STPG2: variants seen among roughly 807,000 people sequenced by gnomAD.
STPG2 encodes sperm tail PG-rich repeat containing 2, also known as sperm-tail PG-rich repeat-containing protein 2.
STPG2 carries 56 observed loss-of-function variants against 54.2 expected under a neutral mutation model. The ratio of observed to expected loss-of-function variants is 1.03; its 90% CI spans 0.83 to 1.29. STPG2 has a LOEUF of 1.29. Among genes scored for constraint, STPG2 ranks in the 50% most tolerant of loss-of-function variants. STPG2 has a pLI of 0.00. For missense variants in STPG2, 596 were observed against 544.9 expected (o/e 1.09, Z -0.93); for synonymous variants, 200 against 181.8 (o/e 1.10, Z -0.81).
At chr4:97,753,571 T>C (rs1006880474) in intron 9 of STPG2, among the ~76,000 whole-genome samples, 1 of 152,090 alleles carries the variant, frequency 6.6e-6, no homozygotes, top group Non-Finnish European at 1.5e-5. Flanking sequence ...TTTTATTGGA[T>C]ATAAGCCTAG....
chr4:97,581,062 T>C (rs1425570798), intron 10 of STPG2, among the ~76,000 whole-genome samples: 1 of 152,152 alleles, frequency 6.6e-6, no homozygotes, highest in Non-Finnish European at 1.5e-5. Context: ...TTTTCACTTT[T>C]ACACTCTAGA....
intron 4 of STPG2, among the ~76,000 whole-genome samples, chr4:97,547,456 C>G (rs974372501): frequency 6.6e-6 from 1 of 152,124 alleles, no homozygotes; most frequent in Non-Finnish European, 1.5e-5. Context: ...GTGATTCACC[C>G]GCCTCGGCCT....
intron 4 of STPG2, among the ~76,000 whole-genome samples, chr4:97,500,782 C>A (rs60447469): frequency 0.068 from 10,290 of 152,014 alleles, 1,119 homozygotes; most frequent in African/African-American, 0.23. Flanking sequence ...AATGTAGCCA[C>A]ACGGTGATTA....
At chr4:97,879,319 C>T (rs954118880) in intron 8 of STPG2, among the ~76,000 whole-genome samples, 1 of 152,134 alleles carries the variant, frequency 6.6e-6, no homozygotes, top group South Asian at 2.1e-4. Context: ...CTACTGGTAA[C>T]AATTTACTGT....
intron 10 of STPG2, among the ~76,000 whole-genome samples, chr4:97,616,405 A>G (rs574901216): frequency 6.6e-6 from 1 of 152,022 alleles, no homozygotes; most frequent in East Asian, 1.9e-4. Context: ...TTATACTTCA[A>G]TTTTCATAGG....
At chr4:97,964,854 T>C (rs1485376754) in intron 7 of STPG2, among the ~76,000 whole-genome samples, 1 of 152,168 alleles carries the variant, frequency 6.6e-6, no homozygotes, top group Non-Finnish European at 1.5e-5. Context: ...CTTGACAGAA[T>C]CCCATATGTA....
intron 5 of STPG2, among the ~76,000 whole-genome samples, chr4:98,067,454 T>C (rs1376438739): frequency 6.6e-6 from 1 of 152,198 alleles, no homozygotes; most frequent in Admixed American, 6.5e-5. Flanking sequence ...TTTAACCTTT[T>C]GAACAGTATT....
At chr4:97,906,235 C>A (rs1398373590) in intron 8 of STPG2, among the ~76,000 whole-genome samples, 2 of 152,222 alleles carry the variant, frequency 1.3e-5, no homozygotes, top group Admixed American at 6.5e-5. Flanking sequence ...ATACTACAAA[C>A]ACCTCTACGC....
At position 97,545,466 on chromosome 4, in the gene STPG2, T is replaced by C. The variant is rs150487045; in HGVS notation, c.462+167233A>G. Among the ~76,000 whole-genome samples the C allele has an allele frequency of 4.2e-4, 64 of 152,098 alleles. 1 individual carries two copies. Among genetic ancestry groups the C allele is most frequent in the African/African-American group, 1.4e-3 (59 of 41,520 alleles). On this transcript the variant is annotated intron_variant, in intron 4 of 4. Transcript: ENST00000522676. The stretch of plus-strand genomic sequence containing the variant: ...TGAATAAAAATGTTAAGCAATGAGA[T>C]TGCAAAAAGATTAGCTCAGGTCCCT...
intron 7 of STPG2, among the ~76,000 whole-genome samples, chr4:97,969,818 C>T (rs1734257293): frequency 1.3e-5 from 2 of 152,186 alleles, no homozygotes; most frequent in East Asian, 1.9e-4. Context: ...CCAGGGCAAT[C>T]AGGCAGGAGA....
At chr4:97,903,222 A>G (rs1731247252) in intron 8 of STPG2, among the ~76,000 whole-genome samples, 1 of 152,164 alleles carries the variant, frequency 6.6e-6, no homozygotes, top group South Asian at 2.1e-4. Context: ...TTCTAATTAC[A>G]TACACACAAA....
At chr4:97,477,388 T>C (rs938859566) in intron 4 of STPG2, among the ~76,000 whole-genome samples, 36 of 152,068 alleles carry the variant, frequency 2.4e-4, no homozygotes, top group African/African-American at 8.5e-4. Context: ...CTTATCCTCC[T>C]AGAAAAGTAT....
chr4:98,142,542 A>G (rs1326763717), intron 1 of STPG2, among the ~76,000 whole-genome samples: 1 of 149,950 alleles, frequency 6.7e-6, no homozygotes, highest in Admixed American at 6.7e-5. Flanking sequence ...GTTAAAAGAG[A>G]TGAGGACGGT....
intron 10 of STPG2, among the ~76,000 whole-genome samples, chr4:97,632,818 A>C (rs1186886442): frequency 6.6e-6 from 1 of 152,198 alleles, no homozygotes; most frequent in African/African-American, 2.4e-5. Flanking sequence ...AGTGATCAGA[A>C]TAAGGTAAGT....
chr4:98,095,698 A>C (rs562343138), intron 5 of STPG2, among the ~76,000 whole-genome samples: 1 of 152,228 alleles, frequency 6.6e-6, no homozygotes, highest in Admixed American at 6.5e-5. Context: ...TAAAGAAAAG[A>C]TATACACCAA....
chr4:97,672,166 C>CTTTTT (rs70953079), intron 10 of STPG2, among the ~76,000 whole-genome samples: 100 of 80,688 alleles, frequency 1.2e-3, no homozygotes, highest in East Asian at 2.9e-3. Flanking sequence ...ACTGGTAATT[C>CTTTTT]TTTTTTTTTT....
intron 9 of STPG2, among the ~76,000 whole-genome samples, chr4:97,830,470 G>C (rs1728417391): frequency 6.6e-6 from 1 of 151,950 alleles, no homozygotes; most frequent in African/African-American, 2.4e-5. Context: ...CACCAACTAA[G>C]GGGCAAAATA....
intron 4 of STPG2, among the ~76,000 whole-genome samples, chr4:97,457,114 G>A (rs185265957): frequency 6.6e-6 from 1 of 152,268 alleles, no homozygotes; most frequent in Non-Finnish European, 1.5e-5. Context: ...AAATAGTGGT[G>A]AGGATGTAAA....
At chr4:97,792,446 T>C (rs1020539239) in intron 9 of STPG2, among the ~76,000 whole-genome samples, 4 of 152,138 alleles carry the variant, frequency 2.6e-5, no homozygotes, top group African/African-American at 9.7e-5. Context: ...ACTGTAACAC[T>C]TCTCACCACC....
Sources: allele counts gnomAD v4.1 joint callset (sites outside exome capture counted in the v4.1 genomes callset), GRCh38; gene constraint gnomAD v4.1.1; transcripts MANE v1.5; gene names NCBI Gene and HGNC (gene_info 2026-07-23, HGNC 2026-07-21).